Variants in SETD5 observed in about 807,000 individuals in gnomAD.
SETD5 encodes histone-lysine N-methyltransferase SETD5.
In SETD5, 44 loss-of-function variants were observed where a neutral mutation model predicts 153.3. That is an observed-to-expected ratio of 0.29 (90% CI 0.23 to 0.37). The LOEUF (loss-of-function observed/expected upper bound fraction) is 0.37, where lower values mean the gene tolerates loss of function less well. SETD5 is among the 10% of genes least tolerant of loss of function. The probability of loss-of-function intolerance (pLI) is 1.00; values close to 1 mark genes in which losing one functional copy is unlikely to be tolerated. For missense variants in SETD5, 1,544 were observed against 1,768.0 expected, an observed-to-expected ratio of 0.87 and a Z score of 2.27; for synonymous variants, 716 against 645.2, an observed-to-expected ratio of 1.11 and a Z score of -1.66.
intron 12 of SETD5, 161 bp from the exon 13 acceptor site, chr3:9,445,496 G>T (rs2041830199): frequency 1.1e-6 from 1 of 871,640 alleles, no homozygotes; most frequent in African/African-American, 1.7e-5. Context: ...TTGCACCAGA[G>T]AATAGGGGTT....
At chr3:9,465,695 C>T (rs17050371) in intron 18 of SETD5, among the ~76,000 whole-genome samples, 5,635 of 152,296 alleles carry the variant, frequency 0.037, 210 homozygotes, top group Admixed American at 0.097. Flanking sequence ...TACCCTAGAC[C>T]TCTACTTTTG....
At chr3:9,425,684 T>C (rs1176314946) in intron 2 of SETD5, among the ~76,000 whole-genome samples, 16 of 151,432 alleles carry the variant, frequency 1.1e-4, no homozygotes, top group Non-Finnish European at 2.1e-4. Context: ...CAAACGATTC[T>C]CGTGCCTCAG....
intron 1 of SETD5, 96 bp downstream of exon 1, chr3:9,398,073 G>A (rs913301157): frequency 6.6e-6 from 1 of 151,998 alleles, no homozygotes; most frequent in South Asian, 2.1e-4. Context: ...CTCTCCTTGG[G>A]TCGTGGGCCT....
chr3:9,448,071 A>AC (rs1349296374), intron 15 of SETD5, 65 bp downstream of exon 15: 2 of 1,476,236 alleles, frequency 1.4e-6, no homozygotes, highest in Non-Finnish European at 1.8e-6. Context: ...AAATGAGAGG[A>AC]CCTATAATCC....
chr3:9,463,799 CTG>C (rs1217359695), intron 17 of SETD5, among the ~76,000 whole-genome samples: 1 of 152,212 alleles, frequency 6.6e-6, no homozygotes, highest in East Asian at 1.9e-4. Context: ...TAGAGGGTAA[CTG>C]TAACACAGTA....
intron 16 of SETD5, 60 bp from the exon 17 acceptor site, chr3:9,453,679 C>T: frequency 6.8e-7 from 1 of 1,480,466 alleles, no homozygotes; most frequent in Non-Finnish European, 9.0e-7. Context: ...ACATTTAAAA[C>T]AGGTGCACTA....
At position 9,434,453 on chromosome 3, in the gene SETD5, G is replaced by C; in HGVS notation, c.297G>C (p.Gln99His). 1 of 1,613,948 alleles carries C rather than the reference G, an allele frequency of 6.2e-7. No individual in the cohort carries two copies. Among genetic ancestry groups the C allele is most frequent in the Middle Eastern group, 1.6e-4 (1 of 6,062 alleles). The change falls in exon 5 of 23, where the codon CAG becomes CAC. Residue 99 changes from glutamine (Q) to histidine (H), a missense_variant. Around this residue, in one of 9 missense-constraint regions of SETD5, gnomAD observed 251 missense variants for 326.9 expected, o/e 0.77. Transcript: ENST00000402198. This position sits in a 1 kb window ranked among gnomAD's most constrained non-coding sequence, Gnocchi z 5.6. ...VPTWCPCGLS[Q>H]DGFLLNCDKC... ...CCTGGTGTCCTTGTGGTCTTTCTCA[G>C]GATGGCTTCCTTCTCAACTGTGACA...
In SETD5 at chr3:9,447,156, A is replaced by G. The variant is rs765225569; in HGVS notation, c.1631A>G (p.Glu544Gly). Reference protein sequence around the residue: ...QPLEQSNSDVEITTTTSETPV... With the variant: ...QPLEQSNSDVGITTTTSETPV... The stretch of plus-strand genomic sequence containing the variant: ...TTGGAACAGAGCAACTCTGATGTAG[A>G]GATTACTACAACCACCTCAGAGACT... Residue 544 changes from glutamate to glycine, a missense_variant, in exon 14 of 23, where the codon GAG becomes GGG. This residue lies in a region of SETD5 where 782 missense variants were observed against 787.2 expected (regional missense o/e 0.99). Transcript: ENST00000402198. 5.6e-6 allele frequency: 9 copies of G among 1,613,906 alleles called. No individual in the cohort carries two copies. The African/African-American group carries it at 1.2e-4, about 22-fold the overall frequency.
Position 9,426,406 on chromosome 3 carries a change from T to A in SETD5, c.-117+1880T>A, listed in dbSNP as rs993278149. On this transcript the variant is annotated intron_variant, in intron 2 of 22. Coordinates refer to ENST00000402198, the MANE Select transcript of SETD5 (RefSeq NM_001080517.3). Reference sequence around the variant, plus strand: ...GCATGCCACCACACCAGATTTATTTTTTTTTTTTGAGATGGAGTCTCACTC... The same window carrying A: ...GCATGCCACCACACCAGATTTATTTATTTTTTTTGAGATGGAGTCTCACTC... 2.6e-4 allele frequency among the ~76,000 whole-genome samples: 40 copies of A among 150,954 alleles called. 1 individual carries two copies. The highest frequency in any genetic ancestry group is 2.3e-3 in the Admixed American group (35 of 15,146).
intron 16 of SETD5, among the ~76,000 whole-genome samples, chr3:9,453,008 G>C (rs1331872536): frequency 6.6e-6 from 1 of 151,962 alleles, no homozygotes; most frequent in South Asian, 2.1e-4. Flanking sequence ...AATCTTTGCA[G>C]GTTTACTATC....
At chr3:9,439,878 T>C (rs1009114468) in intron 7 of SETD5, among the ~76,000 whole-genome samples, 1 of 152,206 alleles carries the variant, frequency 6.6e-6, no homozygotes, top group Non-Finnish European at 1.5e-5. Flanking sequence ...ACTTTTTATA[T>C]GGGTAGTAAG....
At chr3:9,419,402 G>A (rs1429409310) in intron 1 of SETD5, among the ~76,000 whole-genome samples, 1 of 152,016 alleles carries the variant, frequency 6.6e-6, no homozygotes, top group Non-Finnish European at 1.5e-5. Context: ...GCACCAATTG[G>A]TACTTAATAA....
chr3:9,473,159 T>C, intron 19 of SETD5, 77 bp from the exon 20 acceptor site: 1 of 1,487,924 alleles, frequency 6.7e-7, no homozygotes, highest in South Asian at 1.4e-5. Context: ...TCTTTCCTTC[T>C]TTCCCTGTTG....
chr3:9,474,165 T>C (rs1166817756), intron 20 of SETD5, among the ~76,000 whole-genome samples: 1 of 152,206 alleles, frequency 6.6e-6, no homozygotes, highest in Non-Finnish European at 1.5e-5. Flanking sequence ...AGGCACATGA[T>C]TTCCTAAAGG....
intron 19 of SETD5, among the ~76,000 whole-genome samples, chr3:9,471,562 T>C (rs892940061): frequency 6.6e-6 from 1 of 152,214 alleles, no homozygotes; most frequent in African/African-American, 2.4e-5. Flanking sequence ...GATGTTGTTG[T>C]ATCAGGTGGA....
At position 9,434,432 on chromosome 3, in the gene SETD5, G is replaced by T; in HGVS notation, c.276G>T (p.Trp92Cys). ...PNSEGETVPT[W>C]CPCGLSQDGF... ...CTGAAGGAGAAACTGTACCTACCTGGTGTCCTTGTGGTCTTTCTCAGGATG... is the reference window on the plus strand; with the variant it reads ...CTGAAGGAGAAACTGTACCTACCTGTTGTCCTTGTGGTCTTTCTCAGGATG... The change falls in exon 5 of 23, where the codon TGG becomes TGT. Residue 92 changes from tryptophan to cysteine, a missense_variant. Trp to Cys is a radical substitution (Grantham distance 215, BLOSUM62 -2). Transcript: ENST00000402198. This position sits in a 1 kb window ranked among gnomAD's most constrained non-coding sequence, Gnocchi z 5.6. The T allele has an allele frequency of 1.9e-6, 3 of 1,613,948 alleles. No individual in the cohort carries two copies. The highest frequency in any genetic ancestry group is 2.5e-6 in the Non-Finnish European group (3 of 1,179,890).
At chr3:9,398,899 A>G (rs771365143) in intron 1 of SETD5, among the ~76,000 whole-genome samples, 6 of 152,142 alleles carry the variant, frequency 3.9e-5, no homozygotes, top group Non-Finnish European at 8.8e-5. Flanking sequence ...TTGGATATGG[A>G]TGCTGCAGTC....
At chr3:9,401,511 T>C (rs1052578356) in intron 1 of SETD5, among the ~76,000 whole-genome samples, 1 of 152,246 alleles carries the variant, frequency 6.6e-6, no homozygotes, top group Non-Finnish European at 1.5e-5. Flanking sequence ...AGGAACTGAC[T>C]TTCTGAAATT....
intron 16 of SETD5, among the ~76,000 whole-genome samples, chr3:9,453,166 A>G (rs1434505164): frequency 3.9e-5 from 6 of 152,088 alleles, no homozygotes; most frequent in African/African-American, 2.4e-5. Flanking sequence ...GCATAATTTA[A>G]CCAAACTACT....
Sources: allele counts gnomAD v4.1 joint callset (sites outside exome capture counted in the v4.1 genomes callset), GRCh38; gene constraint gnomAD v4.1.1; regional missense constraint gnomAD v4.1.1; non-coding constraint Gnocchi (gnomAD v3.1); transcripts MANE v1.5; gene names NCBI Gene and HGNC (gene_info 2026-07-23, HGNC 2026-07-21).